Variants in CLIC5 observed in about 807,000 individuals in gnomAD.
CLIC5 encodes CLIC family member 5.
CLIC5 carries 20 observed loss-of-function variants against 24.7 expected under a neutral mutation model. The observed-to-expected ratio is 0.81, with a 90% confidence interval of 0.57 to 1.18. CLIC5 has a LOEUF of 1.18. Among genes scored for constraint, CLIC5 ranks in the 50% most tolerant of loss-of-function variants. The probability of loss-of-function intolerance (pLI) is 0.00; values close to 1 mark genes in which losing one functional copy is unlikely to be tolerated. For synonymous variants in CLIC5, 159 were observed against 135.6 expected (o/e 1.17, Z -1.20); for missense variants, 341 against 326.1 (o/e 1.05, Z -0.35).
rs111823828 is a variant in CLIC5, at chr6:45,909,534, A to C, written c.588+4694T>G. 3.9e-3 allele frequency among the ~76,000 whole-genome samples: 592 copies of C among 152,274 alleles called. 3 individuals are homozygous for C. Among genetic ancestry groups the C allele is most frequent in the African/African-American group, 0.013 (559 of 41,564 alleles). ...AGATTTTATTTCTCCTTTGTTTACA[A>C]AGCTTAGTTTGGTGGGATATGAAGC... On this transcript the variant is annotated intron_variant, in intron 5 of 5. Coordinates refer to ENST00000339561, the MANE Select transcript of CLIC5 (RefSeq NM_016929.5).
intron 5 of CLIC5, among the ~76,000 whole-genome samples, chr6:45,910,395 T>C (rs1395090923): frequency 6.6e-6 from 1 of 152,188 alleles, no homozygotes; most frequent in Non-Finnish European, 1.5e-5. Flanking sequence ...TAGGTTGGGA[T>C]TCAAAGTTTA....
intron 1 of CLIC5, among the ~76,000 whole-genome samples, chr6:45,991,185 A>T (rs1765923107): frequency 1.3e-5 from 2 of 152,254 alleles, no homozygotes; most frequent in Admixed American, 1.3e-4. Flanking sequence ...TGCAGATGTT[A>T]TCAAGGCCTA....
At chr6:45,987,297 TTTAAAG>T (rs1430574165) in intron 1 of CLIC5, among the ~76,000 whole-genome samples, 1 of 152,216 alleles carries the variant, frequency 6.6e-6, no homozygotes, top group African/African-American at 2.4e-5. Flanking sequence ...TCTGCTGCCC[TTTAAAG>T]TTAGATTCCA....
chr6:45,930,278 A>G (rs946272557), intron 4 of CLIC5, among the ~76,000 whole-genome samples: 11 of 152,070 alleles, frequency 7.2e-5, no homozygotes, highest in African/African-American at 2.7e-4. Flanking sequence ...GCACTTTTTT[A>G]TTTTAGGTCA....
At chr6:45,958,994 A>G (rs1456856918) in intron 1 of CLIC5, among the ~76,000 whole-genome samples, 1 of 152,128 alleles carries the variant, frequency 6.6e-6, no homozygotes, top group Non-Finnish European at 1.5e-5. Flanking sequence ...CATACTACAT[A>G]CATACATACA....
At chr6:46,104,321 T>TG in the CLIC5 span, among the ~76,000 whole-genome samples, 2 of 151,948 alleles carry the variant, frequency 1.3e-5, no homozygotes, top group Admixed American at 1.3e-4. Context: ...CTCCACCATC[T>TG]GGGGGGCATG....
intron 1 of CLIC5, among the ~76,000 whole-genome samples, chr6:45,976,844 G>T (rs1765402567): frequency 6.6e-6 from 1 of 152,160 alleles, no homozygotes; most frequent in African/African-American, 2.4e-5. Flanking sequence ...AAGGCAGCTT[G>T]TCGGAAAATA....
chr6:46,061,702 A>T (rs1166948821), intron 1 of CLIC5, among the ~76,000 whole-genome samples: 2 of 152,148 alleles, frequency 1.3e-5, no homozygotes, highest in African/African-American at 4.8e-5. Context: ...CTTTATGGAG[A>T]TTTGTAAGGG....
At chr6:45,919,811 T>A (rs1056595517) in intron 4 of CLIC5, among the ~76,000 whole-genome samples, 2 of 152,220 alleles carry the variant, frequency 1.3e-5, no homozygotes, top group Non-Finnish European at 2.9e-5. Flanking sequence ...TTAGAGTTCC[T>A]TTTACAGAAA....
At chr6:46,126,353 A>T in the CLIC5 span, among the ~76,000 whole-genome samples, 9 of 152,232 alleles carry the variant, frequency 5.9e-5, no homozygotes, top group Non-Finnish European at 1.3e-4. Context: ...TATCTTTTGA[A>T]AAATTGAGCA....
At chr6:46,108,397 T>A in the CLIC5 span, among the ~76,000 whole-genome samples, 17,176 of 147,858 alleles carry the variant, frequency 0.12, 1,347 homozygotes, top group South Asian at 0.29. Context: ...TGTGTGTGTG[T>A]GTGTGAGAGA....
chr6:45,893,113 G>A (rs1199087851), intron 6 of CLIC5, among the ~76,000 whole-genome samples: 1 of 151,930 alleles, frequency 6.6e-6, no homozygotes, highest in East Asian at 1.9e-4. Flanking sequence ...TCTTTATTAT[G>A]TTGTGGTTCA....
At chr6:46,004,555 C>A (rs1766474884) in intron 1 of CLIC5, among the ~76,000 whole-genome samples, 1 of 152,222 alleles carries the variant, frequency 6.6e-6, no homozygotes, top group South Asian at 2.1e-4. Context: ...TCACTAAACA[C>A]TGCATTGAGC....
Position 45,955,223 on chromosome 6 carries a change from T to G in CLIC5, c.85A>C (p.Ile29Leu). Residue 29 changes from isoleucine (I) to leucine (L), a missense_variant, in exon 2 of 6, where the codon ATC becomes CTC. Physicochemically the swap from Ile to Leu is conservative, Grantham distance 5 (BLOSUM62 2). Coordinates refer to ENST00000339561, the MANE Select transcript of CLIC5 (RefSeq NM_016929.5). ...FVKAGIDGES[I>L]GNCPFSQRLF... ...CGCTGAGAGAAAGGACAGTTGCCGA[T>G]GCTTTCTCCATCGATTCCAGCCTGG... 2.5e-6 allele frequency: 4 copies of G among 1,613,912 alleles called. No homozygotes were observed. Among genetic ancestry groups the G allele is most frequent in the Non-Finnish European group, 3.4e-6 (4 of 1,179,824 alleles).
At chr6:45,938,844 TG>T (rs1429926786) in intron 4 of CLIC5, among the ~76,000 whole-genome samples, 1 of 152,136 alleles carries the variant, frequency 6.6e-6, no homozygotes, top group Non-Finnish European at 1.5e-5. Flanking sequence ...GAAAGGATAC[TG>T]GGTGTGGAGT....
chr6:45,953,187 C>A (rs925821113), intron 2 of CLIC5, among the ~76,000 whole-genome samples: 32 of 152,186 alleles, frequency 2.1e-4, no homozygotes, highest in African/African-American at 7.7e-4. Context: ...AGTTATTTCT[C>A]AAATAACACG....
intron 1 of CLIC5, among the ~76,000 whole-genome samples, chr6:46,048,148 G>A (rs947763305): frequency 1.3e-5 from 2 of 151,986 alleles, no homozygotes; most frequent in African/African-American, 2.4e-5. Context: ...GATTACAGGT[G>A]CATGCCACCA....
intron 1 of CLIC5, chr6:46,014,301 T>C (rs1377985998): frequency 6.6e-6 from 1 of 152,232 alleles, no homozygotes; most frequent in East Asian, 1.9e-4. Flanking sequence ...TCAAGGTTTA[T>C]GTAGATCTCA....
chr6:46,129,800 G>A, the CLIC5 span: 1 of 152,254 alleles, frequency 6.6e-6, no homozygotes, highest in Non-Finnish European at 1.5e-5. Flanking sequence ...GTGCGTGGTG[G>A]GAGAGTGGAA....
Sources: gnomAD v4.1 joint callset for allele counts (sites outside exome capture counted in the v4.1 genomes callset) on GRCh38, gnomAD v4.1.1 for gene constraint, MANE v1.5 for transcripts, NCBI Gene and HGNC (gene_info 2026-07-23, HGNC 2026-07-21) for gene names.